The following DNAJC15 variants were observed in gnomAD, a reference collection of about 807,000 sequenced individuals.
The protein encoded by DNAJC15 is dnaJ homolog subfamily C member 15.
In DNAJC15, 27 loss-of-function variants were observed where a neutral mutation model predicts 22.4. The ratio of observed to expected loss-of-function variants is 1.20; its 90% CI spans 0.89 to 1.66. DNAJC15 has a LOEUF of 1.66. Ranked by LOEUF, DNAJC15 falls within the 40% of genes most tolerant of loss-of-function variation. The probability of loss-of-function intolerance (pLI) is 0.00; values close to 1 mark genes in which losing one functional copy is unlikely to be tolerated. For synonymous variants in DNAJC15, 79 were observed against 63.2 expected, an observed-to-expected ratio of 1.25 and a Z score of -1.19; for missense variants, 208 against 187.1, an observed-to-expected ratio of 1.11 and a Z score of -0.65.
intron 5 of DNAJC15, among the ~76,000 whole-genome samples, chr13:43,092,665 A>G (rs974682767): frequency 6.6e-6 from 1 of 152,034 alleles, no homozygotes; most frequent in Non-Finnish European, 1.5e-5. Context: ...AAGACCATTT[A>G]TTTTGGGAGG....
chr13:43,088,034 G>C (rs1377639693), intron 5 of DNAJC15, among the ~76,000 whole-genome samples: 1 of 152,134 alleles, frequency 6.6e-6, no homozygotes, highest in East Asian at 1.9e-4. Context: ...GTTATGAAAT[G>C]AGTAGTTTTA....
rs770839736 is a variant in DNAJC15, at chr13:43,107,147, T to C, written c.383-31T>C. 8 of 1,519,088 alleles carry C rather than the reference T, an allele frequency of 5.3e-6. No individual in the cohort carries two copies. The East Asian group carries it at 1.9e-4, about 36-fold the overall frequency. 94.1% of individuals were successfully genotyped at this position (1,519,088 alleles called of 1,614,324 possible). A position where few individuals can be genotyped will look rare whatever the true frequency, so the allele number is the denominator to read the frequency against. ...TTTAAAGTATGTCAATGATGAAATG[T>C]ATTTTAATTCATTTTTCTTTGTTCT... On this transcript the variant is annotated intron_variant, in intron 5 of 5. Coordinates refer to ENST00000379221, the MANE Select transcript of DNAJC15 (RefSeq NM_013238.3).
At chr13:43,048,821 T>TAAC (rs1450596158) in intron 1 of DNAJC15, among the ~76,000 whole-genome samples, 1 of 152,186 alleles carries the variant, frequency 6.6e-6, no homozygotes, top group Non-Finnish European at 1.5e-5. Context: ...TAATTTTGTG[T>TAAC]AACAACAACA....
At chr13:43,070,765 A>G (rs1304802003) in intron 3 of DNAJC15, among the ~76,000 whole-genome samples, 1 of 152,190 alleles carries the variant, frequency 6.6e-6, no homozygotes, top group Non-Finnish European at 1.5e-5. Flanking sequence ...CTAATAGACA[A>G]TGAAAAAAAA....
chr13:43,078,568 C>T (rs779155772), intron 3 of DNAJC15, 44 bp from the exon 4 acceptor site: 6 of 1,552,764 alleles, frequency 3.9e-6, no homozygotes, highest in East Asian at 4.5e-5. Flanking sequence ...CATGCCACCT[C>T]ATACGTGGAA....
rs1313504873 is a variant in DNAJC15, at chr13:43,110,752, T to C, written c.*3504T>C. Reference sequence around the variant, plus strand: ...GCAAGGATCATATCAGTCTTGTTTATTGTTGCAGTGAACAAGTACAGTTGC... The same window carrying C: ...GCAAGGATCATATCAGTCTTGTTTACTGTTGCAGTGAACAAGTACAGTTGC... On this transcript the variant is annotated 3_prime_UTR_variant, in exon 6 of 6. Coordinates refer to ENST00000379221, the MANE Select transcript of DNAJC15 (RefSeq NM_013238.3). 2 of 152,118 alleles carry C rather than the reference T, an allele frequency of 1.3e-5. No individual in the cohort carries two copies. Among genetic ancestry groups the C allele is most frequent in the African/African-American group, 4.8e-5 (2 of 41,440 alleles). The allele number at this position is 152,118 out of a possible 1,614,324, so 9.4% of individuals were successfully genotyped here.
chr13:43,078,159 C>G (rs1306171474), intron 3 of DNAJC15, among the ~76,000 whole-genome samples: 1 of 152,174 alleles, frequency 6.6e-6, no homozygotes, highest in African/African-American at 2.4e-5. Flanking sequence ...ATCCAGCTTC[C>G]CAGCCTCTCT....
At chr13:43,047,915 G>A (rs2040485305) in intron 1 of DNAJC15, among the ~76,000 whole-genome samples, 1 of 152,150 alleles carries the variant, frequency 6.6e-6, no homozygotes, top group African/African-American at 2.4e-5. Context: ...AACCATAACT[G>A]TGTAATGATG....
chr13:43,059,696 A>T (rs1328629083), intron 1 of DNAJC15, among the ~76,000 whole-genome samples: 1 of 152,208 alleles, frequency 6.6e-6, no homozygotes, highest in Non-Finnish European at 1.5e-5. Context: ...GTGTGAAGAG[A>T]CCACCAAACA....
intron 5 of DNAJC15, among the ~76,000 whole-genome samples, chr13:43,102,449 G>C (rs2040774495): frequency 6.6e-6 from 1 of 151,984 alleles, no homozygotes; most frequent in African/African-American, 2.4e-5. Flanking sequence ...TTATGAATGT[G>C]TGTTGAATTT....
rs1240533350 is a variant in DNAJC15 at position 43,109,005 on chromosome 13, C to T, written c.*1757C>T. ...GCCATCCCAATCCCCAGATGTCCAC[C>T]TGCCCAAAGTCTAGGCATAGCTGAA... On this transcript the variant is annotated 3_prime_UTR_variant, in exon 6 of 6. Coordinates refer to ENST00000379221, the MANE Select transcript of DNAJC15 (RefSeq NM_013238.3). 3 of 152,188 alleles carry T rather than the reference C, an allele frequency of 2.0e-5. No individual in the cohort carries two copies. The highest frequency in any genetic ancestry group is 2.0e-4 in the Admixed American group (3 of 15,282). 9.4% of individuals were successfully genotyped at this position (152,188 alleles called of 1,614,324 possible).
intron 1 of DNAJC15, among the ~76,000 whole-genome samples, chr13:43,061,261 G>A (rs1047214358): frequency 6.6e-6 from 1 of 152,202 alleles, no homozygotes; most frequent in Non-Finnish European, 1.5e-5. Context: ...AAGTTTCAGT[G>A]GGGGAGTGGG....
chr13:43,035,079 T>C (rs2040423316), intron 1 of DNAJC15, among the ~76,000 whole-genome samples: 1 of 152,218 alleles, frequency 6.6e-6, no homozygotes, highest in African/African-American at 2.4e-5. Context: ...AAGATATCCT[T>C]GTCTTGGTAC....
At chr13:43,061,609 T>G (rs1267155296) in intron 1 of DNAJC15, among the ~76,000 whole-genome samples, 1 of 152,166 alleles carries the variant, frequency 6.6e-6, no homozygotes, top group Non-Finnish European at 1.5e-5. Flanking sequence ...ATATGTGAAG[T>G]GGGAGCAGGC....
intron 1 of DNAJC15, among the ~76,000 whole-genome samples, chr13:43,061,812 C>T (rs2040560567): frequency 6.6e-6 from 1 of 152,350 alleles, no homozygotes; most frequent in East Asian, 1.9e-4. Flanking sequence ...CATTACATTT[C>T]CACATGAGAT....
intron 1 of DNAJC15, among the ~76,000 whole-genome samples, chr13:43,051,659 G>A (rs78609282): frequency 1.9e-4 from 20 of 102,592 alleles, no homozygotes; most frequent in African/African-American, 5.6e-4. Flanking sequence ...GTGTGTGTGT[G>A]TGTATATATA....
chr13:43,075,632 C>T (rs2040629946), intron 3 of DNAJC15, among the ~76,000 whole-genome samples: 1 of 143,678 alleles, frequency 7.0e-6, no homozygotes, highest in Non-Finnish European at 1.5e-5. Context: ...TTTTGGTTTC[C>T]TGAAAGAAAC....
At chr13:43,095,043 T>A (rs1003639733) in intron 5 of DNAJC15, among the ~76,000 whole-genome samples, 2 of 152,182 alleles carry the variant, frequency 1.3e-5, no homozygotes, top group Non-Finnish European at 2.9e-5. Context: ...TTGACTGGCT[T>A]TTTTTAGTTG....
At chr13:43,024,790 T>A (rs1471463460) in intron 1 of DNAJC15, among the ~76,000 whole-genome samples, 1 of 151,388 alleles carries the variant, frequency 6.6e-6, no homozygotes, top group African/African-American at 2.4e-5. Flanking sequence ...AAGTGGTGGT[T>A]TAGGCTTGTA....
Sources: allele counts gnomAD v4.1 joint callset (sites outside exome capture counted in the v4.1 genomes callset), GRCh38; gene constraint gnomAD v4.1.1; transcripts MANE v1.5; gene names NCBI Gene and HGNC (gene_info 2026-07-23, HGNC 2026-07-21).